Variants in CD83 observed in about 807,000 individuals in gnomAD.
CD83 encodes the protein CD83 molecule, also known as CD83 antigen.
CD83 carries 22 observed loss-of-function variants against 24.6 expected under a neutral mutation model. That is an observed-to-expected ratio of 0.90 (90% CI 0.64 to 1.28). The LOEUF (loss-of-function observed/expected upper bound fraction) is 1.28. CD83 is among the 50% of genes most tolerant of loss of function. CD83 has a pLI of 0.00. For synonymous variants in CD83, 101 were observed against 103.5 expected (o/e 0.98, Z 0.14); for missense variants, 253 against 252.8 (o/e 1.00, Z -0.01).
At position 14,131,831 on chromosome 6, in the gene CD83, G is replaced by A. The variant is rs189463089; in HGVS notation, c.382+83G>A. 1,645 of 898,364 alleles carry A rather than the reference G, an allele frequency of 1.8e-3. 4 individuals carry two copies. The highest frequency in any genetic ancestry group is 2.7e-3 in the Non-Finnish European group (1,494 of 549,378). The allele number at this position is 898,364 out of a possible 1,614,324, so 55.6% of individuals were successfully genotyped here. Reference sequence around the variant, plus strand: ...GGTCCTAAAATCGTTCCTCTCTTTTGGAGTGTAGCTCTAGAGCTTTGGATC... The same window carrying A: ...GGTCCTAAAATCGTTCCTCTCTTTTAGAGTGTAGCTCTAGAGCTTTGGATC... On this transcript the variant is annotated intron_variant, in intron 3 of 4. Coordinates refer to ENST00000379153, the MANE Select transcript of CD83 (RefSeq NM_004233.4).
chr6:14,120,936 G>A (rs1320385047), intron 2 of CD83, among the ~76,000 whole-genome samples: 5 of 152,122 alleles, frequency 3.3e-5, no homozygotes, highest in African/African-American at 4.8e-5. Flanking sequence ...GGCTAGAGGG[G>A]ACTTAATAGA....
intron 2 of CD83, among the ~76,000 whole-genome samples, chr6:14,128,136 TA>T (rs1759864021): frequency 6.6e-6 from 1 of 152,232 alleles, no homozygotes; most frequent in Non-Finnish European, 1.5e-5. Flanking sequence ...TGAGAACTCA[TA>T]AAACAAAGCA....
chr6:14,120,055 A>C (rs1759635436), intron 2 of CD83, among the ~76,000 whole-genome samples: 1 of 152,228 alleles, frequency 6.6e-6, no homozygotes, highest in African/African-American at 2.4e-5. Context: ...TGTCAAGAAA[A>C]AAAGGGACAG....
At chr6:14,131,818 G>A (rs374772853) in intron 3 of CD83, 70 bp downstream of exon 3, 35 of 1,084,660 alleles carry the variant, frequency 3.2e-5, no homozygotes, top group African/African-American at 2.5e-4. Context: ...TCCTAAAATC[G>A]TTCCTCTCTT....
chr6:14,117,901 C>T lies in CD83; in HGVS notation c.38-49C>T. The T allele has an allele frequency of 1.9e-6, 3 of 1,580,740 alleles. No homozygotes were observed. The highest frequency in any genetic ancestry group is 1.7e-4 in the Middle Eastern group (1 of 6,000). ...TGTCGCCCCCCGCCCCTCCACGACACCCCCTCCCGTCGGTCGCTTGCTCAC... is the reference window on the plus strand; with the variant it reads ...TGTCGCCCCCCGCCCCTCCACGACATCCCCTCCCGTCGGTCGCTTGCTCAC... On this transcript the variant is annotated intron_variant, in intron 1 of 4. Transcript: ENST00000379153. The surrounding 1 kb of genome is among the most constrained non-coding windows in gnomAD (Gnocchi z 4.6).
At chr6:14,126,815 TA>T (rs1424933280) in intron 2 of CD83, among the ~76,000 whole-genome samples, 2 of 152,258 alleles carry the variant, frequency 1.3e-5, no homozygotes, top group Admixed American at 6.5e-5. Flanking sequence ...AGAAATGCGA[TA>T]AAAAAAGCTG....
intron 2 of CD83, among the ~76,000 whole-genome samples, chr6:14,120,667 C>G (rs1005932471): frequency 6.6e-6 from 1 of 152,204 alleles, no homozygotes; most frequent in Non-Finnish European, 1.5e-5. Context: ...GTCTGCATAT[C>G]ATAAGTATGG....
chr6:14,123,619 A>G (rs1759722591), intron 2 of CD83, among the ~76,000 whole-genome samples: 1 of 152,084 alleles, frequency 6.6e-6, no homozygotes, highest in South Asian at 2.1e-4. Context: ...GAGTGGCTAT[A>G]GAAGAAGTCT....
intron 3 of CD83, among the ~76,000 whole-genome samples, chr6:14,132,553 G>A (rs1217802188): frequency 1.3e-5 from 2 of 152,188 alleles, no homozygotes; most frequent in East Asian, 3.8e-4. Context: ...TTGACACTAA[G>A]CCTCAGTTCT....
chr6:14,118,274 G>A (rs2235369), intron 2 of CD83, among the ~76,000 whole-genome samples: 8,741 of 152,158 alleles, frequency 0.057, 405 homozygotes, highest in East Asian at 0.21. Context: ...TTTGCTCTCC[G>A]CAGACCTCAA....
intron 2 of CD83, among the ~76,000 whole-genome samples, chr6:14,119,762 T>C (rs1474110760): frequency 6.6e-6 from 1 of 152,240 alleles, no homozygotes; most frequent in African/African-American, 2.4e-5. Context: ...CCACTATCCC[T>C]TCCAGAGAGT....
At chr6:14,130,464 C>T (rs1380428772) in intron 2 of CD83, among the ~76,000 whole-genome samples, 1 of 152,206 alleles carries the variant, frequency 6.6e-6, no homozygotes, top group Non-Finnish European at 1.5e-5. Context: ...GTGGCTCACG[C>T]CTGTAATCCC....
chr6:14,124,342 C>G (rs1160303713), intron 2 of CD83, among the ~76,000 whole-genome samples: 1 of 152,170 alleles, frequency 6.6e-6, no homozygotes, highest in Non-Finnish European at 1.5e-5. Flanking sequence ...ATCGGTATTA[C>G]CGATAGAATT....
At position 14,131,567 on chromosome 6, in the gene CD83, C is replaced by T. The variant is rs1014007220; in HGVS notation, c.201C>T (p.His67=). The T allele has an allele frequency of 1.2e-6, 2 of 1,614,160 alleles. No homozygotes were observed. The highest frequency in any genetic ancestry group is 1.7e-6 in the Non-Finnish European group (2 of 1,180,010). ...GGATGGAGACACCCCAGGAAGACCA[C>T]CTCAGGGGACAGCACTATCATCAGA... The part of the protein sequence containing the change: ...EERMETPQED[H]LRGQHYHQKG... Residue 67 remains histidine (H), a synonymous_variant, in exon 3 of 5, where the codon CAC becomes CAT. Coordinates refer to ENST00000379153, the MANE Select transcript of CD83 (RefSeq NM_004233.4).
At chr6:14,132,587 G>A (rs908983765) in intron 3 of CD83, among the ~76,000 whole-genome samples, 2 of 152,170 alleles carry the variant, frequency 1.3e-5, no homozygotes, top group Admixed American at 1.3e-4. Flanking sequence ...TGGAAGTAAC[G>A]TCTACAACAT....
chr6:14,118,692 T>G (rs571335242), intron 2 of CD83, among the ~76,000 whole-genome samples: 1 of 152,184 alleles, frequency 6.6e-6, no homozygotes, highest in Non-Finnish European at 1.5e-5. Context: ...GGAGCCCGCA[T>G]GTGTAAGAAC....
intron 2 of CD83, 83 bp downstream of exon 2, chr6:14,118,148 C>T (rs1759585032): frequency 2.0e-6 from 2 of 991,052 alleles, no homozygotes; most frequent in African/African-American, 1.7e-5. Context: ...GCTGGCGACC[C>T]TCTGTGGCTG....
intron 2 of CD83, among the ~76,000 whole-genome samples, chr6:14,124,805 GC>G (rs531581267): frequency 9.9e-5 from 15 of 151,596 alleles, no homozygotes; most frequent in African/African-American, 1.5e-4. Flanking sequence ...CTTGAATTGT[GC>G]CCCCCCCAAA....
intron 2 of CD83, among the ~76,000 whole-genome samples, chr6:14,119,074 G>A (rs935337365): frequency 4.6e-5 from 7 of 152,184 alleles, no homozygotes; most frequent in Non-Finnish European, 7.3e-5. Flanking sequence ...GCATCATTGC[G>A]GTGATCTCTT....
Sources: allele counts gnomAD v4.1 joint callset (sites outside exome capture counted in the v4.1 genomes callset), GRCh38; gene constraint gnomAD v4.1.1; non-coding constraint Gnocchi (gnomAD v3.1); transcripts MANE v1.5; gene names NCBI Gene and HGNC (gene_info 2026-07-23, HGNC 2026-07-21).